LRBA: variants seen among roughly 807,000 people sequenced by gnomAD.
LRBA encodes lipopolysaccharide-responsive and beige-like anchor protein.
In LRBA, 176 loss-of-function variants were observed where a neutral mutation model predicts 330.0. The ratio of observed to expected loss-of-function variants is 0.53; its 90% CI spans 0.47 to 0.60. The LOEUF is 0.60. Among genes scored for constraint, LRBA ranks in the 20% least tolerant of loss-of-function variants. The pLI is 0.00. For synonymous variants in LRBA, 1,230 were observed against 1,193.0 expected, an observed-to-expected ratio of 1.03 and a Z score of -0.64; for missense variants, 3,259 against 3,444.8, an observed-to-expected ratio of 0.95 and a Z score of 1.35.
intron 22 of LRBA, among the ~76,000 whole-genome samples, chr4:150,863,942 T>C (rs758597065): frequency 7.2e-5 from 11 of 152,038 alleles, no homozygotes; most frequent in Non-Finnish European, 1.2e-4. Flanking sequence ...TTTATTTATT[T>C]ATTTATTTTA....
chr4:150,852,466 T>G lies in LRBA; in HGVS notation c.3244A>C (p.Ile1082Leu), dbSNP rs553088346. The change falls in exon 23 of 57, where the codon ATA becomes CTA. Residue 1082 changes from isoleucine to leucine, a missense_variant. Physicochemically the swap from Ile to Leu is conservative, Grantham distance 5 (BLOSUM62 2). Transcript: ENST00000651943. ...SMTVSEVTAS[I>L]SSPSEEDASE... Reference sequence around the variant, plus strand: ...GCATCCTCTTCTGAAGGAGAACTTATAGAAGCAGTTACTTCACTGACAGTC... The same window carrying G: ...GCATCCTCTTCTGAAGGAGAACTTAGAGAAGCAGTTACTTCACTGACAGTC... 1.9e-6 allele frequency: 3 copies of G among 1,613,684 alleles called. No homozygotes were observed. Among genetic ancestry groups the G allele is most frequent in the Non-Finnish European group, 8.5e-7 (1 of 1,179,974 alleles).
At chr4:150,438,414 C>T (rs1010731890) in intron 44 of LRBA, among the ~76,000 whole-genome samples, 2 of 152,186 alleles carry the variant, frequency 1.3e-5, no homozygotes, top group Non-Finnish European at 2.9e-5. Flanking sequence ...GCCCAAGCAC[C>T]TTAAAGCCTA....
intron 28 of LRBA, among the ~76,000 whole-genome samples, chr4:150,842,132 A>C (rs545291882): frequency 6.6e-6 from 1 of 152,354 alleles, no homozygotes; most frequent in East Asian, 1.9e-4. Context: ...TAAAGGAGAT[A>C]TTCTAATTGT....
intron 48 of LRBA, among the ~76,000 whole-genome samples, chr4:150,342,346 A>C (rs938992478): frequency 2.2e-4 from 33 of 152,160 alleles, no homozygotes; most frequent in African/African-American, 8.0e-4. Context: ...AAAAATGTTA[A>C]AGGCAGTGAA....
intron 34 of LRBA, among the ~76,000 whole-genome samples, chr4:150,792,347 G>A (rs1740071278): frequency 1.3e-5 from 2 of 152,030 alleles, no homozygotes; most frequent in Admixed American, 6.6e-5. Context: ...TCAAATCACT[G>A]GCAACTTGAG....
chr4:150,613,527 G>T (rs1052522064), intron 37 of LRBA, among the ~76,000 whole-genome samples: 4 of 152,214 alleles, frequency 2.6e-5, no homozygotes, highest in Admixed American at 2.0e-4. Context: ...CATAAAGCAA[G>T]AAGTGCCCAA....
chr4:150,583,526 A>T lies in LRBA; in HGVS notation c.6330+4522T>A, dbSNP rs952585024. On this transcript the variant is annotated intron_variant, in intron 40 of 56. Coordinates refer to ENST00000651943, the MANE Select transcript of LRBA (RefSeq NM_001364905.1). The surrounding 1 kb of genome is among the most constrained non-coding windows in gnomAD (Gnocchi z 9.8). ...GTCAAGTTGCGCATCAGGGAGCGCT[A>T]TGTGGTGCAAATCACTCCGGCGTTC... The T allele has an allele frequency of 6.2e-7, 1 of 1,613,854 alleles. No individual in the cohort carries two copies. Among genetic ancestry groups the T allele is most frequent in the Non-Finnish European group, 8.5e-7 (1 of 1,180,020 alleles).
intron 22 of LRBA, among the ~76,000 whole-genome samples, chr4:150,866,068 T>C (rs1460256181): frequency 6.6e-6 from 1 of 152,212 alleles, no homozygotes; most frequent in Non-Finnish European, 1.5e-5. Context: ...ATAATAACTT[T>C]GATAGTCAGT....
In LRBA at chr4:150,867,606, A is replaced by G. The variant is rs189674104; in HGVS notation, c.2766+65T>C. Reference sequence around the variant, plus strand: ...GATTTTAAGTATCGAAATTTTTTAAATGACTAAAATTCAAAAATTATAGAT... The same window carrying G: ...GATTTTAAGTATCGAAATTTTTTAAGTGACTAAAATTCAAAAATTATAGAT... On this transcript the variant is annotated intron_variant, in intron 22 of 56. Transcript: ENST00000651943. The G allele has an allele frequency of 4.3e-5, 56 of 1,317,578 alleles. No homozygotes were observed. In the Middle Eastern group the frequency reaches 4.0e-3, roughly 95 times the overall value. 81.6% of individuals were successfully genotyped at this position (1,317,578 alleles called of 1,614,324 possible).
intron 36 of LRBA, among the ~76,000 whole-genome samples, chr4:150,725,603 G>A (rs1238785958): frequency 1.3e-5 from 2 of 152,312 alleles, no homozygotes; most frequent in Admixed American, 1.3e-4. Flanking sequence ...TCTACAATCT[G>A]AAAGACAAGG....
chr4:150,330,835 T>G (rs925891868), intron 48 of LRBA, among the ~76,000 whole-genome samples: 4 of 151,994 alleles, frequency 2.6e-5, no homozygotes, highest in African/African-American at 4.8e-5. Context: ...AACAAAAAAT[T>G]TACTGAGTGC....
chr4:150,436,135 A>T (rs1421348221), intron 45 of LRBA, among the ~76,000 whole-genome samples: 1 of 152,210 alleles, frequency 6.6e-6, no homozygotes, highest in African/African-American at 2.4e-5. Context: ...ACACTTAAAC[A>T]CATATTAGTG....
intron 36 of LRBA, among the ~76,000 whole-genome samples, chr4:150,707,233 A>G (rs1785715245): frequency 6.6e-6 from 1 of 151,636 alleles, no homozygotes; most frequent in South Asian, 2.1e-4. Context: ...TTTATTTTAA[A>G]TTACCTATAG....
chr4:150,979,406 C>T (rs1432532736), intron 2 of LRBA, among the ~76,000 whole-genome samples: 1 of 152,072 alleles, frequency 6.6e-6, no homozygotes, highest in Non-Finnish European at 1.5e-5. Flanking sequence ...GTTCCTCAAT[C>T]AAAAAGAAAC....
chr4:150,697,090 G>C (rs1784688735), intron 36 of LRBA, among the ~76,000 whole-genome samples: 1 of 151,136 alleles, frequency 6.6e-6, no homozygotes, highest in South Asian at 2.1e-4. Context: ...ACTTTGAGAG[G>C]CCAAGGCGGG....
chr4:150,634,224 A>G lies in LRBA; in HGVS notation c.5922-35093T>C, dbSNP rs181367493. ...ACCAGAGCTCTTTAACTAGATATCA[A>G]TTGAAGGCATTCATCATTCAGTTTT... is the stretch of plus-strand genomic sequence containing the variant. On this transcript the variant is annotated intron_variant, in intron 37 of 56. Transcript: ENST00000651943. Among the ~76,000 whole-genome samples, 19 of 152,310 alleles carry G rather than the reference A, an allele frequency of 1.2e-4. No individual in the cohort carries two copies. The East Asian group carries it at 2.1e-3, about 17-fold the overall frequency.
At chr4:150,431,148 ACTATTCTGAACC>A (rs1750329378) in intron 46 of LRBA, among the ~76,000 whole-genome samples, 3 of 152,204 alleles carry the variant, frequency 2.0e-5, no homozygotes, top group Non-Finnish European at 2.9e-5. Flanking sequence ...AAGAAAGTAA[ACTATTCTGAACC>A]CCAGTTTCTA....
Position 150,436,805 on chromosome 4 carries a change from C to G in LRBA, c.6840G>C (p.Trp2280Cys), listed in dbSNP as rs1260188972. Residue 2280 changes from tryptophan (W) to cysteine (C), a missense_variant, in exon 45 of 57, where the codon TGG becomes TGC. Trp to Cys is a radical substitution (Grantham distance 215, BLOSUM62 -2). Coordinates refer to ENST00000651943, the MANE Select transcript of LRBA (RefSeq NM_001364905.1). ...GAAACTTTGGAACTTGATCATCTTC[C>G]CATGATTCATAACGCTCAGCGAAGA... ...AAFFAERYES[W>C]EDDQVPKFHY... is the part of the protein sequence containing the mutation. 1.9e-6 allele frequency: 3 copies of G among 1,613,550 alleles called. No homozygotes were observed. Among genetic ancestry groups the G allele is most frequent in the Non-Finnish European group, 2.5e-6 (3 of 1,179,802 alleles).
chr4:150,697,020 T>TAAAAAGA (rs1784680058), intron 36 of LRBA, among the ~76,000 whole-genome samples: 1 of 113,624 alleles, frequency 8.8e-6, no homozygotes, highest in Non-Finnish European at 1.9e-5. Flanking sequence ...CTCAAAAAAG[T>TAAAAAGA]AAAAAGAAAA....
Sources: allele counts gnomAD v4.1 joint callset (sites outside exome capture counted in the v4.1 genomes callset), GRCh38; gene constraint gnomAD v4.1.1; non-coding constraint Gnocchi (gnomAD v3.1); transcripts MANE v1.5; gene names NCBI Gene and HGNC (gene_info 2026-07-23, HGNC 2026-07-21).